PGGT1B: variants seen among roughly 807,000 people sequenced by gnomAD.
PGGT1B encodes geranylgeranyl transferase type-1 subunit beta.
In PGGT1B, 30 loss-of-function variants were observed where a neutral mutation model predicts 46.1. The ratio of observed to expected loss-of-function variants is 0.65; its 90% CI spans 0.49 to 0.88. The LOEUF (loss-of-function observed/expected upper bound fraction) is 0.88, where lower values mean the gene tolerates loss of function less well. Ranked by LOEUF, PGGT1B falls within the 40% of genes least tolerant of loss-of-function variation. PGGT1B has a pLI of 0.00. For missense variants in PGGT1B, 376 were observed against 455.9 expected (o/e 0.82, Z 1.60); for synonymous variants, 170 against 160.0 (o/e 1.06, Z -0.47).
In PGGT1B at chr5:115,243,284, T is replaced by C. The variant is rs571640403; in HGVS notation, c.260-1678A>G. On this transcript the variant is annotated intron_variant, in intron 2 of 8. Coordinates refer to ENST00000419445, the MANE Select transcript of PGGT1B (RefSeq NM_005023.4). ...AGAAATGCACACTGCAGTTTAATAA[T>C]AGTGAAAATCTAGAAGCACCATAAA... Among the ~76,000 whole-genome samples the C allele has an allele frequency of 7.2e-5, 11 of 152,288 alleles. No homozygotes were observed. The East Asian group carries it at 2.1e-3, about 29-fold the overall frequency.
At chr5:115,255,671 C>A (rs923833729) in intron 1 of PGGT1B, among the ~76,000 whole-genome samples, 2 of 151,838 alleles carry the variant, frequency 1.3e-5, no homozygotes, top group Admixed American at 1.3e-4. Flanking sequence ...TCAGTAAAAG[C>A]TATGTAGTAA....
intron 1 of PGGT1B, 110 bp downstream of exon 1, chr5:115,262,602 G>C: frequency 8.0e-7 from 1 of 1,256,656 alleles, no homozygotes; most frequent in Admixed American, 2.2e-5. Flanking sequence ...AGTGCCAACT[G>C]GGCGGCCGCG....
At chr5:115,253,339 T>A (rs188287035) in intron 1 of PGGT1B, 84 bp from the exon 2 acceptor site, 21 of 1,123,184 alleles carry the variant, frequency 1.9e-5, no homozygotes, top group Non-Finnish European at 2.0e-5. Context: ...AATAATAAAA[T>A]CATTCTAATT....
At chr5:115,216,817 T>C (rs1485411714) in intron 8 of PGGT1B, 48 bp downstream of exon 8, 1 of 889,402 alleles carries the variant, frequency 1.1e-6, no homozygotes, top group Admixed American at 1.9e-5. Context: ...TGCTTGAAGA[T>C]CTATTCAGGA....
intron 5 of PGGT1B, among the ~76,000 whole-genome samples, chr5:115,232,561 C>T (rs574603654): frequency 6.6e-6 from 1 of 152,150 alleles, no homozygotes; most frequent in East Asian, 1.9e-4. Flanking sequence ...ATACTATATA[C>T]TGATTTTACT....
In PGGT1B at chr5:115,262,727, G is replaced by T; in HGVS notation, c.125C>A (p.Ser42Ter). The T allele has an allele frequency of 6.2e-7, 1 of 1,610,680 alleles. No homozygotes were observed. The highest frequency in any genetic ancestry group is 8.5e-7 in the Non-Finnish European group (1 of 1,178,372). The change falls in exon 1 of 9, where the codon TCA (serine) becomes TAA (stop). Residue 42 changes from serine (S) to a stop codon, truncating the protein, a stop_gained. Transcript: ENST00000419445. LOFTEE classifies it high-confidence loss of function. ...CACGAGTTACCTGCTTGTCTCGAGT[G>T]AAGAATAGCGCTCCGGCAAAACCTG... ...CLQVLPERYS[S>*]LETSRLTIAF...
intron 5 of PGGT1B, among the ~76,000 whole-genome samples, chr5:115,232,153 T>C (rs568681854): frequency 6.6e-6 from 1 of 152,182 alleles, no homozygotes; most frequent in Admixed American, 6.6e-5. Flanking sequence ...GGGTATGAAC[T>C]TAAAATTAGA....
intron 3 of PGGT1B, 140 bp from the exon 4 acceptor site, chr5:115,238,149 A>C: frequency 2.0e-6 from 1 of 500,446 alleles, no homozygotes; most frequent in Non-Finnish European, 3.4e-6. Context: ...TATTGAGAAA[A>C]ACAAATCTCC....
At chr5:115,216,201 G>A (rs367720796) in intron 8 of PGGT1B, among the ~76,000 whole-genome samples, 1 of 152,072 alleles carries the variant, frequency 6.6e-6, no homozygotes, top group East Asian at 1.9e-4. Context: ...GGGCAGTGGT[G>A]CAATCTCGGC....
chr5:115,212,456 G>C lies in PGGT1B; in HGVS notation c.1080C>G (p.Ser360Arg). The change falls in exon 9 of 9, where the codon AGC becomes AGG. Residue 360 changes from serine (S) to arginine (R), a missense_variant. By Grantham distance (110) the Ser-to-Arg change is moderately radical. Coordinates refer to ENST00000419445, the MANE Select transcript of PGGT1B (RefSeq NM_005023.4). ...TSERLLDLHQ[S>R]WKTKDSKQCS... The stretch of plus-strand genomic sequence containing the variant: ...ATTGTTTAGAGTCCTTGGTTTTCCA[G>C]CTTTGATGGAGATCTAGAAGGCGTT... The C allele has an allele frequency of 6.2e-7, 1 of 1,602,230 alleles. No homozygotes were observed. Among genetic ancestry groups the C allele is most frequent in the Non-Finnish European group, 8.5e-7 (1 of 1,172,404 alleles).
chr5:115,261,612 A>G (rs1748557907), intron 1 of PGGT1B, among the ~76,000 whole-genome samples: 1 of 152,222 alleles, frequency 6.6e-6, no homozygotes, highest in African/African-American at 2.4e-5. Flanking sequence ...AGTCCTAAGT[A>G]TAGAGGTAAA....
Position 115,262,694 on chromosome 5 carries a change from G to T in PGGT1B, c.140+18C>A. ...GCCCGGGCCTTGTGCCAGCCTGGCTGACTGTGCCACGAGTTACCTGCTTGT... is the reference window on the plus strand; with the variant it reads ...GCCCGGGCCTTGTGCCAGCCTGGCTTACTGTGCCACGAGTTACCTGCTTGT... On this transcript the variant is annotated intron_variant, in intron 1 of 8. Coordinates refer to ENST00000419445, the MANE Select transcript of PGGT1B (RefSeq NM_005023.4). 6.3e-7 allele frequency: 1 copy of T among 1,595,392 alleles called. No individual in the cohort carries two copies.
intron 2 of PGGT1B, among the ~76,000 whole-genome samples, chr5:115,246,361 A>G (rs1747832267): frequency 6.6e-6 from 1 of 152,086 alleles, no homozygotes; most frequent in South Asian, 2.1e-4. Context: ...ATTTCAAAAA[A>G]AAAAAAAAAA....
intron 6 of PGGT1B, among the ~76,000 whole-genome samples, chr5:115,227,742 T>C (rs537086295): frequency 1.3e-5 from 2 of 152,318 alleles, no homozygotes; most frequent in African/African-American, 4.8e-5. Flanking sequence ...ATTACAGCCT[T>C]TATTCTTTAA....
chr5:115,259,910 A>G (rs917228356), intron 1 of PGGT1B, among the ~76,000 whole-genome samples: 1 of 152,078 alleles, frequency 6.6e-6, no homozygotes, highest in African/African-American at 2.4e-5. Context: ...GAAAATTGTC[A>G]CTACTTTGTT....
chr5:115,260,112 A>T (rs1450678971), intron 1 of PGGT1B, among the ~76,000 whole-genome samples: 1 of 152,218 alleles, frequency 6.6e-6, no homozygotes, highest in Non-Finnish European at 1.5e-5. Context: ...TATAAAAGAA[A>T]AATCTCTGAT....
chr5:115,253,653 G>C (rs1314461939), intron 1 of PGGT1B, among the ~76,000 whole-genome samples: 4 of 151,934 alleles, frequency 2.6e-5, no homozygotes, highest in Non-Finnish European at 4.4e-5. Flanking sequence ...ATCAATTATA[G>C]CTTGTATTTA....
In PGGT1B at chr5:115,204,615, G is replaced by A. The variant is rs1277678865; in HGVS notation, c.*7787C>T. ...AAATCCGGTGTCACAAAGGATATGA[G>A]GAAACAGGCACTCTCATACCTTGTT... On this transcript the variant is annotated 3_prime_UTR_variant, in exon 9 of 9. Transcript: ENST00000419445. 1.3e-5 allele frequency: 2 copies of A among 152,044 alleles called. No individual in the cohort carries two copies. Among genetic ancestry groups the A allele is most frequent in the Non-Finnish European group, 2.9e-5 (2 of 68,002 alleles). 9.4% of individuals were successfully genotyped at this position (152,044 alleles called of 1,614,324 possible).
chr5:115,245,019 T>C (rs1230867441), intron 2 of PGGT1B, among the ~76,000 whole-genome samples: 2 of 152,200 alleles, frequency 1.3e-5, no homozygotes, highest in African/African-American at 2.4e-5. Context: ...CTTGGGATTG[T>C]CTTTTTTAAA....
Sources: gnomAD v4.1 joint callset for allele counts (sites outside exome capture counted in the v4.1 genomes callset) on GRCh38, gnomAD v4.1.1 for gene constraint, MANE v1.5 for transcripts, NCBI Gene and HGNC (gene_info 2026-07-23, HGNC 2026-07-21) for gene names.